CAPS2: variants seen among roughly 807,000 people sequenced by gnomAD.
The protein encoded by CAPS2 is calcyphosine 2, also known as calcyphosin-2.
A neutral mutation model predicts 86.5 loss-of-function variants in CAPS2; 98 were observed. That is an observed-to-expected ratio of 1.13 (90% CI 0.96 to 1.34). The LOEUF is 1.34. Ranked by LOEUF, CAPS2 falls within the 40% of genes most tolerant of loss-of-function variation. The probability of loss-of-function intolerance (pLI) is 0.00; values close to 1 mark genes in which losing one functional copy is unlikely to be tolerated. For missense variants in CAPS2, 729 were observed against 686.8 expected (o/e 1.06, Z -0.69); for synonymous variants, 210 against 225.1 (o/e 0.93, Z 0.60).
At position 75,369,397 on chromosome 12, in the gene CAPS2, A is replaced by G. The variant is rs2044207172; in HGVS notation, c.-395+21441T>C. The G allele has an allele frequency of 1.2e-5, 5 of 413,032 alleles. No individual in the cohort carries two copies. The Admixed American group carries it at 3.2e-4, about 27-fold the overall frequency. 25.6% of individuals were successfully genotyped at this position (413,032 alleles called of 1,614,324 possible). ...AAAAGGGATTTTATTTTTTGCTGGTAACCATTATATCCAAAGCTAGAATCA... is the reference window on the plus strand; with the variant it reads ...AAAAGGGATTTTATTTTTTGCTGGTGACCATTATATCCAAAGCTAGAATCA... On this transcript the variant is annotated intron_variant, in intron 1 of 5. Transcript: ENST00000551829.
At chr12:75,315,700 T>C (rs112882467) in intron 6 of CAPS2, among the ~76,000 whole-genome samples, 2,449 of 152,282 alleles carry the variant, frequency 0.016, 58 homozygotes, top group African/African-American at 0.051. Flanking sequence ...TCCAACAATC[T>C]GTTATAAGTA....
At chr12:75,369,985 C>A (rs370758207) in intron 1 of CAPS2, 2 of 1,077,356 alleles carry the variant, frequency 1.9e-6, no homozygotes, top group South Asian at 1.4e-5. Flanking sequence ...TTATACCTAA[C>A]CGTATGTATC....
In CAPS2 at chr12:75,351,299, A is replaced by T. The variant is rs189473447; in HGVS notation, c.-394-28077T>A. ...CCAGGAGAACTTCCTCAACCTAGCA[A>T]GAAAGGTCAACATTCAAATTCAGGA... On this transcript the variant is annotated intron_variant, in intron 1 of 5. Coordinates refer to the CAPS2 transcript ENST00000551829. 1.1e-3 allele frequency among the ~76,000 whole-genome samples: 170 copies of T among 152,324 alleles called. 1 individual carries two copies. The highest frequency in any genetic ancestry group is 3.6e-3 in the African/African-American group (150 of 41,566).
At chr12:75,341,095 G>A (rs1047150871) in intron 1 of CAPS2, among the ~76,000 whole-genome samples, 1 of 151,680 alleles carries the variant, frequency 6.6e-6, no homozygotes, top group Non-Finnish European at 1.5e-5. Context: ...GCACTTCTGG[G>A]CACTTTTTCC....
intron 7 of CAPS2, chr12:75,305,963 G>A (rs2038430463): frequency 4.7e-6 from 6 of 1,267,122 alleles, no homozygotes; most frequent in African/African-American, 3.0e-5. Flanking sequence ...CATGGACAGG[G>A]TGGCTCTGAG....
intron 1 of CAPS2, chr12:75,370,040 C>G (rs373717483): frequency 2.3e-6 from 3 of 1,313,240 alleles, no homozygotes; most frequent in African/African-American, 2.9e-5. Flanking sequence ...CGTTGAAAAT[C>G]AATTGAACTC....
exon 6 of CAPS2, chr12:75,316,426 T>C (rs1157633859): frequency 6.5e-7 from 1 of 1,546,202 alleles, no homozygotes; most frequent in East Asian, 2.5e-5. Context: ...CTTCTTCATC[T>C]TGCACACACT....
chr12:75,377,938 T>G (rs1250192158), intron 1 of CAPS2, among the ~76,000 whole-genome samples: 1 of 151,862 alleles, frequency 6.6e-6, no homozygotes, highest in Non-Finnish European at 1.5e-5. Context: ...TTAATAGAAC[T>G]GAACATTGTT....
chr12:75,297,215 T>TA (rs2037058284), intron 11 of CAPS2, among the ~76,000 whole-genome samples: 1 of 152,222 alleles, frequency 6.6e-6, no homozygotes, highest in Non-Finnish European at 1.5e-5. Context: ...TTTTTGGAGA[T>TA]ATCAGCTCAA....
exon 17 of CAPS2, chr12:75,278,844 T>C: frequency 1.4e-6 from 2 of 1,406,262 alleles, no homozygotes; most frequent in South Asian, 1.9e-5. Context: ...TGATATCATC[T>C]CTCCAATAAA....
intron 1 of CAPS2, among the ~76,000 whole-genome samples, chr12:75,344,191 T>C (rs537888984): frequency 6.6e-6 from 1 of 152,230 alleles, no homozygotes; most frequent in East Asian, 1.9e-4. Flanking sequence ...GGCCATTGTT[T>C]CTGGAAATAC....
chr12:75,316,428 G>C (rs550226744), exon 6 of CAPS2: 1 of 1,545,680 alleles, frequency 6.5e-7, no homozygotes, highest in Admixed American at 2.0e-5. Flanking sequence ...TCTTCATCTT[G>C]CACACACTAT....
At chr12:75,362,975 G>A in intron 1 of CAPS2, 1 of 515,780 alleles carries the variant, frequency 1.9e-6, no homozygotes, top group Non-Finnish European at 3.5e-6. Context: ...ATAAAATTGA[G>A]ACATTATTAT....
intron 14 of CAPS2, among the ~76,000 whole-genome samples, chr12:75,286,162 CA>C (rs1192582274): frequency 8.6e-5 from 13 of 151,872 alleles, no homozygotes; most frequent in African/African-American, 3.1e-4. Flanking sequence ...AATAGGTACT[CA>C]AAAAACATCA....
intron 11 of CAPS2, among the ~76,000 whole-genome samples, chr12:75,297,722 C>A (rs2037138651): frequency 6.6e-6 from 1 of 152,176 alleles, no homozygotes; most frequent in Non-Finnish European, 1.5e-5. Flanking sequence ...CCAACCTCCA[C>A]CTTGAACTCT....
intron 8 of CAPS2, among the ~76,000 whole-genome samples, chr12:75,302,035 T>C (rs2037880797): frequency 6.6e-6 from 1 of 152,178 alleles, no homozygotes; most frequent in Admixed American, 6.5e-5. Flanking sequence ...TCATTTCCAC[T>C]GGGGAGGGAC....
At chr12:75,358,294 T>C (rs1002923902) in intron 1 of CAPS2, among the ~76,000 whole-genome samples, 1 of 151,792 alleles carries the variant, frequency 6.6e-6, no homozygotes, top group African/African-American at 2.4e-5. Flanking sequence ...TATAGAGCAA[T>C]ATCCCTCACA....
At chr12:75,369,925 A>C (rs1333810790) in intron 1 of CAPS2, 1 of 1,246,202 alleles carries the variant, frequency 8.0e-7, no homozygotes, top group Admixed American at 2.8e-5. Context: ...TTGTTTTATA[A>C]CATTTTATAA....
At chr12:75,338,782 G>C (rs561415671) in intron 1 of CAPS2, among the ~76,000 whole-genome samples, 1 of 152,162 alleles carries the variant, frequency 6.6e-6, no homozygotes, top group South Asian at 2.1e-4. Flanking sequence ...GCCCCAATGT[G>C]TGTTGATCCC....
Sources: allele counts gnomAD v4.1 joint callset (sites outside exome capture counted in the v4.1 genomes callset), GRCh38; gene constraint gnomAD v4.1.1; transcripts MANE v1.5; gene names NCBI Gene and HGNC (gene_info 2026-07-23, HGNC 2026-07-21).